The following KIAA1217 variants were observed in gnomAD, a reference collection of about 807,000 sequenced individuals.
KIAA1217 encodes the protein KIAA1217, also known as sickle tail protein homolog.
KIAA1217 carries 88 observed loss-of-function variants against 163.9 expected under a neutral mutation model. That is an observed-to-expected ratio of 0.54 (90% confidence interval 0.45 to 0.64). The LOEUF (loss-of-function observed/expected upper bound fraction) is 0.64. Among genes scored for constraint, KIAA1217 ranks in the 30% least tolerant of loss-of-function variants. The probability of loss-of-function intolerance (pLI) is 0.00; values close to 1 mark genes in which losing one functional copy is unlikely to be tolerated. For synonymous variants in KIAA1217, 903 were observed against 923.1 expected (o/e 0.98, Z 0.39); for missense variants, 2,372 against 2,475.0 (o/e 0.96, Z 0.88).
intron 1 of KIAA1217, among the ~76,000 whole-genome samples, chr10:23,776,481 A>T (rs1363640517): frequency 6.6e-6 from 1 of 151,464 alleles, no homozygotes; most frequent in East Asian, 1.9e-4. Flanking sequence ...CTGTGCTTTC[A>T]GGTGACAGTT....
intron 20 of KIAA1217, 38 bp downstream of exon 20, chr10:24,545,141 T>C (rs2075590419): frequency 1.2e-6 from 2 of 1,611,968 alleles, no homozygotes; most frequent in Admixed American, 1.7e-5. Flanking sequence ...ATGGACGCTA[T>C]TTCAGTTAAG....
At chr10:24,509,908 C>T (rs2068866237) in intron 9 of KIAA1217, among the ~76,000 whole-genome samples, 2 of 152,068 alleles carry the variant, frequency 1.3e-5, no homozygotes, top group Non-Finnish European at 2.9e-5. Context: ...TAAAGGTCTT[C>T]ATCCTCATTG....
At chr10:23,940,435 G>A (rs1415782801) in intron 1 of KIAA1217, among the ~76,000 whole-genome samples, 1 of 142,496 alleles carries the variant, frequency 7.0e-6, no homozygotes, top group Non-Finnish European at 1.5e-5. Context: ...ACTCCAGCCT[G>A]GGCGACAACA....
At chr10:24,278,419 A>G (rs2077542351) in intron 2 of KIAA1217, among the ~76,000 whole-genome samples, 1 of 152,210 alleles carries the variant, frequency 6.6e-6, no homozygotes, top group South Asian at 2.1e-4. Context: ...AAGCTGTTTA[A>G]TCCCACTGAC....
chr10:24,053,609 C>A, intron 2 of KIAA1217, among the ~76,000 whole-genome samples: 1 of 151,938 alleles, frequency 6.6e-6, no homozygotes, highest in East Asian at 1.9e-4. Flanking sequence ...CCTACAATGC[C>A]TTTGCCCACT....
In KIAA1217 at chr10:23,753,054, C is replaced by T. The variant is rs138041752; in HGVS notation, c.-321+57820C>T. ...TTTGAAATCAGTGATAGATGCTCTG[C>T]GTTTTGGTTCTTCAGTTTCATGCTT... On this transcript the variant is annotated intron_variant, in intron 1 of 18. Coordinates refer to the KIAA1217 transcript ENST00000376462. Among the ~76,000 whole-genome samples, 26 of 152,212 alleles carry T rather than the reference C, an allele frequency of 1.7e-4. No individual in the cohort carries two copies. The East Asian group carries it at 3.1e-3, about 18-fold the overall frequency.
intron 8 of KIAA1217, among the ~76,000 whole-genome samples, chr10:24,500,273 T>A (rs1047220034): frequency 1.3e-5 from 2 of 151,704 alleles, no homozygotes; most frequent in Admixed American, 6.6e-5. Flanking sequence ...TGTGCGTGTG[T>A]GTGTGTGTCT....
chr10:24,285,488 G>A (rs1165633839), intron 2 of KIAA1217, among the ~76,000 whole-genome samples: 1 of 152,080 alleles, frequency 6.6e-6, no homozygotes, highest in African/African-American at 2.4e-5. Context: ...CCATGGCTTA[G>A]TCTTATTGAC....
chr10:24,213,765 A>G (rs1187932078), intron 1 of KIAA1217, among the ~76,000 whole-genome samples: 1 of 152,176 alleles, frequency 6.6e-6, no homozygotes, highest in East Asian at 1.9e-4. Flanking sequence ...TATTTTGTCT[A>G]AGATCTATAC....
At chr10:23,815,670 T>A (rs181419531) in intron 1 of KIAA1217, among the ~76,000 whole-genome samples, 20 of 152,048 alleles carry the variant, frequency 1.3e-4, no homozygotes, top group Middle Eastern at 3.4e-3. Context: ...AACAAAAAAA[T>A]TTAATAATTT....
At chr10:24,337,590 T>TTTTTCTTTTCTTTTCTTTTC (rs774132476) in intron 2 of KIAA1217, among the ~76,000 whole-genome samples, 3 of 134,476 alleles carry the variant, frequency 2.2e-5, no homozygotes, top group African/African-American at 5.6e-5. Flanking sequence ...TTGTGTGGTT[T>TTTTTCTTTTCTTTTCTTTTC]TTTTCTTTTC....
At chr10:24,208,146 A>G (rs1397635833), upstream of KIAA1217, among the ~76,000 whole-genome samples, 1 of 144,920 alleles carries the variant, frequency 6.9e-6, no homozygotes, top group African/African-American at 2.6e-5. Context: ...TTCGGACATC[A>G]TGCCTCCTAT....
intron 1 of KIAA1217, among the ~76,000 whole-genome samples, chr10:23,900,416 G>A (rs1841909411): frequency 1.3e-5 from 2 of 151,992 alleles, no homozygotes; most frequent in African/African-American, 2.4e-5. Context: ...ATATTTGTGA[G>A]GGATTTCCTG....
At chr10:24,063,930 T>C (rs2060833723) in intron 2 of KIAA1217, among the ~76,000 whole-genome samples, 1 of 152,212 alleles carries the variant, frequency 6.6e-6, no homozygotes, top group South Asian at 2.1e-4. Flanking sequence ...ACTCATGATT[T>C]GGCTCTCTGT....
At position 24,335,970 on chromosome 10, in the gene KIAA1217, G is replaced by C. The variant is rs570526987; in HGVS notation, c.355-44899G>C. Among the ~76,000 whole-genome samples, 9 of 152,384 alleles carry C rather than the reference G, an allele frequency of 5.9e-5. No individual in the cohort carries two copies. The South Asian group carries it at 1.9e-3, about 32-fold the overall frequency. On this transcript the variant is annotated intron_variant, in intron 2 of 20. Coordinates refer to ENST00000376454, the MANE Select transcript of KIAA1217 (RefSeq NM_019590.5). ...AGCGCAGTGGCTCAGGCCAGGCACA[G>C]TGGCTCACGCCTGTAATCCCAGCAC...
At chr10:24,437,376 G>A (rs2131943532) in intron 4 of KIAA1217, among the ~76,000 whole-genome samples, 1 of 152,352 alleles carries the variant, frequency 6.6e-6, no homozygotes, top group East Asian at 1.9e-4. Flanking sequence ...AAAGGAGAAA[G>A]AGAAGACTAG....
chr10:24,081,629 T>C (rs2061541462), intron 2 of KIAA1217, among the ~76,000 whole-genome samples: 1 of 152,168 alleles, frequency 6.6e-6, no homozygotes, highest in South Asian at 2.1e-4. Flanking sequence ...GTGTCCAATC[T>C]TTTGGCTTCC....
intron 2 of KIAA1217, among the ~76,000 whole-genome samples, chr10:24,353,445 G>T (rs1002322816): frequency 6.6e-6 from 1 of 151,928 alleles, no homozygotes; most frequent in African/African-American, 2.4e-5. Flanking sequence ...CTTTATTTTT[G>T]CCCTTCTCCT....
At chr10:23,913,935 G>A (rs554374413) in intron 1 of KIAA1217, among the ~76,000 whole-genome samples, 38 of 152,186 alleles carry the variant, frequency 2.5e-4, no homozygotes, top group Non-Finnish European at 1.8e-4. Flanking sequence ...CTTCCTCTAC[G>A]TAACCAGCAT....
Sources: allele counts gnomAD v4.1 joint callset (sites outside exome capture counted in the v4.1 genomes callset), GRCh38; gene constraint gnomAD v4.1.1; transcripts MANE v1.5; gene names NCBI Gene and HGNC (gene_info 2026-07-23, HGNC 2026-07-21).